Variants in DNAH17 observed in about 807,000 individuals in gnomAD.
The protein encoded by DNAH17 is axonemal beta dynein heavy chain 17.
A neutral mutation model predicts 485.6 loss-of-function variants in DNAH17; 376 were observed. The ratio of observed to expected loss-of-function variants is 0.77; its 90% confidence interval spans 0.71 to 0.84. The LOEUF (loss-of-function observed/expected upper bound fraction) is 0.84. Ranked by LOEUF, DNAH17 falls within the 40% of genes least tolerant of loss-of-function variation. DNAH17 has a pLI of 0.00. For synonymous variants in DNAH17, 3,031 were observed against 2,405.9 expected (o/e 1.26, Z -7.60); for missense variants, 6,370 against 5,839.3 (o/e 1.09, Z -2.96).
intron 57 of DNAH17, among the ~76,000 whole-genome samples, chr17:78,462,126 C>T (rs970489202): frequency 3.3e-5 from 5 of 152,164 alleles, no homozygotes; most frequent in South Asian, 4.1e-4. Flanking sequence ...GAGCCACGAT[C>T]GCACCACTGC....
chr17:78,525,627 T>C (rs1462108858), intron 24 of DNAH17, among the ~76,000 whole-genome samples: 1 of 152,240 alleles, frequency 6.6e-6, no homozygotes, highest in Non-Finnish European at 1.5e-5. Context: ...TGTGTTTGCG[T>C]GGACACGTAA....
intron 51 of DNAH17, among the ~76,000 whole-genome samples, chr17:78,478,664 A>G (rs2089208158): frequency 7.0e-6 from 1 of 143,026 alleles, no homozygotes; most frequent in South Asian, 2.1e-4. Flanking sequence ...CACCATCACT[A>G]CCATCACTAC....
chr17:78,428,824 C>T, intron 76 of DNAH17, 117 bp from the exon 77 acceptor site: 1 of 1,287,718 alleles, frequency 7.8e-7, no homozygotes, highest in Non-Finnish European at 1.1e-6. Context: ...CTGTACAGAT[C>T]CCACTTGTTT....
At chr17:78,519,019 T>C (rs139869772) in intron 25 of DNAH17, among the ~76,000 whole-genome samples, 1,885 of 151,502 alleles carry the variant, frequency 0.012, 20 homozygotes, top group Middle Eastern at 0.054. Flanking sequence ...ATACAAAAAA[T>C]TAGCCGGGCG....
At position 78,501,110 on chromosome 17, in the gene DNAH17, G is replaced by C. The variant is rs894093820; in HGVS notation, c.5483+74C>G. The C allele has an allele frequency of 4.6e-5, 68 of 1,474,746 alleles. No individual in the cohort carries two copies. The African/African-American group carries it at 8.4e-4, about 18-fold the overall frequency. 91.4% of individuals were successfully genotyped at this position (1,474,746 alleles called of 1,614,324 possible). ...TCCAGCCTCCACAGCTGACCTCCAA[G>C]TCGGACAGTTCCAAGAATCATGCGG... On this transcript the variant is annotated intron_variant, in intron 35 of 80. Transcript: ENST00000389840.
At chr17:78,460,404 A>C (rs1034213969) in intron 58 of DNAH17, 147 bp from the exon 59 acceptor site, 14 of 666,264 alleles carry the variant, frequency 2.1e-5, no homozygotes, top group Non-Finnish European at 3.6e-5. Context: ...GCATGAGTGT[A>C]TGTGTGTGCA....
intron 2 of DNAH17, among the ~76,000 whole-genome samples, chr17:78,573,348 T>C (rs2092386972): frequency 6.6e-6 from 1 of 152,048 alleles, no homozygotes; most frequent in Non-Finnish European, 1.5e-5. Context: ...CTGTAAATCC[T>C]AGGACTTAGG....
chr17:78,499,224 TCAGGCCCCGGTGCATTGGAGCCTTCCG>T (rs892508687), intron 36 of DNAH17, 112 bp from the exon 37 acceptor site: 152 of 770,308 alleles, frequency 2.0e-4, no homozygotes, highest in Non-Finnish European at 2.9e-4. Context: ...CAAAGCTTGC[TCAGGCCCCGGTGCATTGGAGCCTTCCG>T]CAGGCCAGCA....
At chr17:78,542,543 G>A (rs917729887) in intron 17 of DNAH17, among the ~76,000 whole-genome samples, 2 of 152,120 alleles carry the variant, frequency 1.3e-5, no homozygotes, top group African/African-American at 4.8e-5. Context: ...ATGCAAGCTG[G>A]GTGAAATTAC....
At chr17:78,488,368 C>G (rs1270787859) in intron 44 of DNAH17, among the ~76,000 whole-genome samples, 2 of 152,178 alleles carry the variant, frequency 1.3e-5, no homozygotes, top group Non-Finnish European at 2.9e-5. Context: ...TCGCCCATTT[C>G]CATTCTCTCC....
At chr17:78,528,239 G>A (rs917189560) in intron 22 of DNAH17, among the ~76,000 whole-genome samples, 15 of 151,972 alleles carry the variant, frequency 9.9e-5, no homozygotes, top group Non-Finnish European at 1.9e-4. Flanking sequence ...AGGGTGGGAC[G>A]GCTGAGAACC....
At chr17:78,533,315 T>G (rs923855766) in intron 19 of DNAH17, among the ~76,000 whole-genome samples, 1 of 152,076 alleles carries the variant, frequency 6.6e-6, no homozygotes, top group Non-Finnish European at 1.5e-5. Flanking sequence ...CCCCCTTGCT[T>G]CAGGTGAAAT....
chr17:78,468,777 T>C lies in DNAH17; in HGVS notation c.8618A>G (p.Asn2873Ser), dbSNP rs763920318. 33 of 1,613,936 alleles carry C rather than the reference T, an allele frequency of 2.0e-5. No individual in the cohort carries two copies. The highest frequency in any genetic ancestry group is 1.3e-4 in the African/African-American group (10 of 74,946). Residue 2873 changes from asparagine (N) to serine (S), a missense_variant, in exon 55 of 81, where the codon AAT becomes AGT. Coordinates refer to ENST00000389840, the MANE Select transcript of DNAH17 (RefSeq NM_173628.4). ...VAEEQFLVLI[N>S]DLLASGEIPG... The stretch of plus-strand genomic sequence containing the variant: ...GATCTCTCCTGAGGCCAGCAGGTCA[T>C]TGATCAGCACCAGAAACTGCTCCTC...
At position 78,549,223 on chromosome 17, in the gene DNAH17, G is replaced by A. The variant is rs184321360; in HGVS notation, c.2391+2312C>T. Among the ~76,000 whole-genome samples, 42 of 152,314 alleles carry A rather than the reference G, an allele frequency of 2.8e-4. 1 individual carries two copies. Among genetic ancestry groups the A allele is most frequent in the Middle Eastern group, 3.4e-3 (1 of 294 alleles). ...TAGATGAGATAATGAGATCATGAGA[G>A]TAGGGCCCACCCCTGATGAGGTTAG... is the stretch of plus-strand genomic sequence containing the variant. On this transcript the variant is annotated intron_variant, in intron 16 of 80. Transcript: ENST00000389840.
At chr17:78,452,936 A>G (rs1021824947) in intron 65 of DNAH17, among the ~76,000 whole-genome samples, 2 of 151,476 alleles carry the variant, frequency 1.3e-5, no homozygotes, top group Non-Finnish European at 2.9e-5. Context: ...AAAATGTGCA[A>G]CTGGACAGAT....
intron 19 of DNAH17, among the ~76,000 whole-genome samples, chr17:78,533,434 G>A (rs552302921): frequency 3.9e-5 from 6 of 152,292 alleles, no homozygotes; most frequent in Admixed American, 1.3e-4. Flanking sequence ...AGCAAAGCAC[G>A]TGCAAAGGCC....
In DNAH17 at chr17:78,528,273, C is replaced by T. The variant is rs1056116955; in HGVS notation, c.3507+1199G>A. Among the ~76,000 whole-genome samples, 4 of 151,922 alleles carry T rather than the reference C, an allele frequency of 2.6e-5. No homozygotes were observed. The East Asian group carries it at 7.7e-4, about 29-fold the overall frequency. On this transcript the variant is annotated intron_variant, in intron 22 of 80. Coordinates refer to ENST00000389840, the MANE Select transcript of DNAH17 (RefSeq NM_173628.4). ...CCTGCTCAGTCCTTTTATTTTCTTT[C>T]TTTTGACACAGGGTCTTGGCTCTGT...
intron 17 of DNAH17, among the ~76,000 whole-genome samples, chr17:78,540,199 CAG>C (rs1350872607): frequency 2.9e-5 from 3 of 101,784 alleles, no homozygotes; most frequent in African/African-American, 1.2e-4. Context: ...GAGGGCCACT[CAG>C]AATTATTTTA....
intron 69 of DNAH17, among the ~76,000 whole-genome samples, chr17:78,446,199 T>C (rs1446690185): frequency 5.2e-5 from 3 of 57,198 alleles, no homozygotes; most frequent in African/African-American, 1.7e-4. Context: ...AAAAAAAAAA[T>C]TGACAATTGT....
Sources: allele counts gnomAD v4.1 joint callset (sites outside exome capture counted in the v4.1 genomes callset), GRCh38; gene constraint gnomAD v4.1.1; transcripts MANE v1.5; gene names NCBI Gene and HGNC (gene_info 2026-07-23, HGNC 2026-07-21).